Variants in SMIM17 observed in about 807,000 individuals in gnomAD.
SMIM17 encodes the protein small integral membrane protein 17.
SMIM17 carries 10 observed loss-of-function variants against 12.2 expected under a neutral mutation model. The ratio of observed to expected loss-of-function variants is 0.82; its 90% confidence interval spans 0.50 to 1.39. SMIM17 has a LOEUF of 1.39. SMIM17 is among the 40% of genes most tolerant of loss of function. SMIM17 has a pLI of 0.00. For synonymous variants in SMIM17, 50 were observed against 44.1 expected (o/e 1.13, Z -0.53); for missense variants, 136 against 118.2 (o/e 1.15, Z -0.70).
intron 2 of SMIM17, 57 bp from the exon 3 acceptor site, chr19:56,647,501 C>A: frequency 7.5e-7 from 1 of 1,333,696 alleles, no homozygotes; most frequent in Non-Finnish European, 1.0e-6. Context: ...GAGCCCACTC[C>A]TGCCATCTGG....
intron 3 of SMIM17, among the ~76,000 whole-genome samples, chr19:56,648,575 G>C (rs1025269405): frequency 6.6e-6 from 1 of 151,984 alleles, no homozygotes; most frequent in African/African-American, 2.4e-5. Flanking sequence ...GTTGGCTGTG[G>C]TGAGGATATG....
intron 3 of SMIM17, among the ~76,000 whole-genome samples, chr19:56,647,950 CCATT>C (rs2045077286): frequency 6.6e-6 from 1 of 152,012 alleles, no homozygotes; most frequent in African/African-American, 2.4e-5. Context: ...AATCACTCAT[CCATT>C]CATTCATCCA....
intron 3 of SMIM17, among the ~76,000 whole-genome samples, chr19:56,653,091 C>T (rs1211100269): frequency 2.0e-5 from 3 of 152,160 alleles, no homozygotes; most frequent in African/African-American, 7.2e-5. Flanking sequence ...AGAGTGTTTA[C>T]ACATGTACAT....
At chr19:56,652,049 A>C (rs2045113158) in intron 3 of SMIM17, among the ~76,000 whole-genome samples, 1 of 141,728 alleles carries the variant, frequency 7.1e-6, no homozygotes, top group South Asian at 2.3e-4. Context: ...GGTTACAATG[A>C]GCTGAGATTG....
intron 3 of SMIM17, among the ~76,000 whole-genome samples, chr19:56,654,834 G>A (rs532959403): frequency 1.3e-5 from 2 of 152,300 alleles, no homozygotes; most frequent in South Asian, 4.1e-4. Flanking sequence ...GGTCATTAGA[G>A]CATAGATGGT....
At chr19:56,646,590 AC>A (rs2148038592) in intron 2 of SMIM17, among the ~76,000 whole-genome samples, 1 of 152,044 alleles carries the variant, frequency 6.6e-6, no homozygotes, top group East Asian at 1.9e-4. Context: ...AGTTTGAGAA[AC>A]CCTGAGTCTC....
At chr19:56,645,900 G>A in intron 2 of SMIM17, 64 bp downstream of exon 2, 1 of 1,448,482 alleles carries the variant, frequency 6.9e-7, no homozygotes, top group East Asian at 2.5e-5. Context: ...AGAGCCTAGG[G>A]AAAGACTAAA....
intron 1 of SMIM17, among the ~76,000 whole-genome samples, chr19:56,644,719 A>G (rs1340531514): frequency 6.6e-6 from 1 of 152,146 alleles, no homozygotes; most frequent in East Asian, 1.9e-4. Flanking sequence ...ATTTCTCTGG[A>G]CCTATATTTA....
At chr19:56,652,695 C>T (rs62130913) in intron 3 of SMIM17, among the ~76,000 whole-genome samples, 14,170 of 150,506 alleles carry the variant, frequency 0.094, 724 homozygotes, top group East Asian at 0.14. Flanking sequence ...GAGAGTTATC[C>T]TCCTCTGAGT....
chr19:56,649,130 G>C (rs2045090019), intron 3 of SMIM17, among the ~76,000 whole-genome samples: 1 of 152,224 alleles, frequency 6.6e-6, no homozygotes, highest in Non-Finnish European at 1.5e-5. Context: ...CCAGAGAGGA[G>C]GACACACCAC....
At chr19:56,654,971 C>T in intron 3 of SMIM17, 132 bp from the exon 4 acceptor site, 2 of 504,544 alleles carry the variant, frequency 4.0e-6, no homozygotes, top group African/African-American at 1.9e-5. Context: ...CTCAGTTGTA[C>T]CGTTTTAAAT....
chr19:56,645,323 G>A (rs2148037626), intron 1 of SMIM17, among the ~76,000 whole-genome samples: 1 of 152,212 alleles, frequency 6.6e-6, no homozygotes, highest in African/African-American at 2.4e-5. Flanking sequence ...GAGTGTGTGT[G>A]TCTGCATGTG....
At position 56,647,547 on chromosome 19, in the gene SMIM17, C is replaced by T. The variant is rs997290682; in HGVS notation, c.170-11C>T. 9.8e-6 allele frequency: 15 copies of T among 1,534,766 alleles called. 1 individual carries two copies. Among genetic ancestry groups the T allele is most frequent in the Non-Finnish European group, 1.2e-5 (14 of 1,146,234 alleles). On this transcript the variant is annotated splice_polypyrimidine_tract_variant and intron_variant, in intron 2 of 3. Transcript: ENST00000598409. The stretch of plus-strand genomic sequence containing the variant: ...ATGGCTCCTTTTTCCTCCACTCCCA[C>T]CCTCACCCAGACCTGTCTTCTCAAG...
intron 2 of SMIM17, 71 bp downstream of exon 2, chr19:56,645,907 T>C (rs2045059978): frequency 2.1e-6 from 3 of 1,420,804 alleles, no homozygotes; most frequent in African/African-American, 1.4e-5. Context: ...AGGGAAAGAC[T>C]AAACATTCAC....
Position 56,645,835 on chromosome 19 carries a change from A to G in SMIM17, c.168A>G (p.Lys56=). The change falls in exon 2 of 4, where the codon AAA becomes AAG. Residue 56 remains lysine (K), a splice_region_variant and synonymous_variant. Coordinates refer to ENST00000598409, the MANE Select transcript of SMIM17 (RefSeq NM_001193628.2). ...CCTCCAGCCATGACAGTGATGAGAAAGGTGAGAGGCAGGGGTCCTTTGGGA... is the reference window on the plus strand; with the variant it reads ...CCTCCAGCCATGACAGTGATGAGAAGGGTGAGAGGCAGGGGTCCTTTGGGA... The part of the protein sequence containing the change: ...VGASSHDSDE[K]DLSSQETGLS... The G allele has an allele frequency of 6.5e-7, 1 of 1,531,432 alleles. No individual in the cohort carries two copies. The highest frequency in any genetic ancestry group is 8.7e-7 in the Non-Finnish European group (1 of 1,144,782). The allele number at this position is 1,531,432 out of a possible 1,614,324, so 94.9% of individuals were successfully genotyped here. A position where few individuals can be genotyped will look rare whatever the true frequency, so the allele number is the denominator to read the frequency against.
chr19:56,645,900 GAAAGACT>G (rs1382276710), intron 2 of SMIM17, 64 bp downstream of exon 2: 1 of 1,448,362 alleles, frequency 6.9e-7, no homozygotes, highest in African/African-American at 1.4e-5. Context: ...AGAGCCTAGG[GAAAGACT>G]AAACATTCAC....
chr19:56,656,285 G>A lies in SMIM17; in HGVS notation c.*1072G>A, dbSNP rs2148046829. On this transcript the variant is annotated 3_prime_UTR_variant, in exon 4 of 4. Transcript: ENST00000598409. ...TCTAGAAAATTCTTCATTCCATAGA[G>A]CTTTTTCATATTATTAGCTTAATTA... 6.6e-6 allele frequency among the ~76,000 whole-genome samples: 1 copy of A among 151,966 alleles called. No homozygotes were observed. The highest frequency in any genetic ancestry group is 2.1e-4 in the South Asian group (1 of 4,816).
At chr19:56,652,101 CAAAAAAA>C (rs57264842) in intron 3 of SMIM17, among the ~76,000 whole-genome samples, 6 of 66,864 alleles carry the variant, frequency 9.0e-5, no homozygotes, top group South Asian at 6.1e-4. Context: ...GAGACTCTGC[CAAAAAAA>C]AAAAAAAAAA....
At chr19:56,651,036 C>G (rs1053937651) in intron 3 of SMIM17, among the ~76,000 whole-genome samples, 20 of 152,178 alleles carry the variant, frequency 1.3e-4, no homozygotes, top group African/African-American at 4.8e-4. Context: ...ACAGACCCTC[C>G]TTCCTGCAGA....
Sources: allele counts gnomAD v4.1 joint callset (sites outside exome capture counted in the v4.1 genomes callset), GRCh38; gene constraint gnomAD v4.1.1; transcripts MANE v1.5; gene names NCBI Gene and HGNC (gene_info 2026-07-23, HGNC 2026-07-21).